Variants in SLC7A10 observed in about 807,000 individuals in gnomAD.
SLC7A10 encodes solute carrier family 7 member 10.
Under a neutral mutation model 52.7 loss-of-function variants are expected in SLC7A10, and 30 were observed. The ratio of observed to expected loss-of-function variants is 0.57; its 90% CI spans 0.43 to 0.77. The LOEUF (loss-of-function observed/expected upper bound fraction) is 0.77, where lower values mean the gene tolerates loss of function less well. Ranked by LOEUF, SLC7A10 falls within the 30% of genes least tolerant of loss-of-function variation. The probability of loss-of-function intolerance (pLI) is 0.00; values close to 1 mark genes in which losing one functional copy is unlikely to be tolerated. For missense variants in SLC7A10, 581 were observed against 698.5 expected (o/e 0.83, Z 1.90); for synonymous variants, 318 against 314.9 (o/e 1.01, Z -0.10).
At chr19:33,225,409 C>T (rs2145498909) in intron 1 of SLC7A10, 144 bp downstream of exon 1, 2 of 1,022,034 alleles carry the variant, frequency 2.0e-6, no homozygotes, top group Non-Finnish European at 2.9e-6. Flanking sequence ...GACCTCCCCG[C>T]GGTCATAGCG....
At chr19:33,218,559 G>A (rs936421702) in intron 1 of SLC7A10, among the ~76,000 whole-genome samples, 8 of 151,664 alleles carry the variant, frequency 5.3e-5, no homozygotes, top group African/African-American at 9.7e-5. Flanking sequence ...TGGAGCAGCC[G>A]GGGCTGCGGG....
intron 2 of SLC7A10, among the ~76,000 whole-genome samples, 189 bp downstream of exon 2, chr19:33,215,580 A>AT (rs1420589686): frequency 1.5e-4 from 17 of 113,556 alleles, no homozygotes; most frequent in African/African-American, 4.6e-4. Context: ...AAGGCTGTCC[A>AT]GCACCCCCAC....
rs1177836973 is a variant in SLC7A10, at chr19:33,208,947, C to A, written c.1516G>T (p.Gly506Cys). The A allele has an allele frequency of 1.2e-6, 2 of 1,613,636 alleles. No homozygotes were observed. Among genetic ancestry groups the A allele is most frequent in the African/African-American group, 2.7e-5 (2 of 74,934 alleles). Residue 506 changes from glycine to cysteine, a missense_variant, in exon 11 of 11, where the codon GGC (glycine) becomes TGC (cysteine). Physicochemically the swap from Gly to Cys is radical, Grantham distance 159. Coordinates refer to ENST00000253188, the MANE Select transcript of SLC7A10 (RefSeq NM_019849.3). This position sits in a 1 kb window ranked among gnomAD's most constrained non-coding sequence, Gnocchi z 4.7. ...GGCAGCAGGGAGGGTGGGCAGGGGC[C>A]ATTCTCCTCCTCTTCGGGGGCGTCC... ...PQDAPEEEEN[G>C]PCPPSLLPAT...
intron 1 of SLC7A10, among the ~76,000 whole-genome samples, chr19:33,221,922 G>C (rs1250150772): frequency 6.6e-6 from 1 of 152,180 alleles, no homozygotes; most frequent in Non-Finnish European, 1.5e-5. Context: ...GTCAGTATGA[G>C]AGGCCCTGTG....
At position 33,225,625 on chromosome 19, in the gene SLC7A10, C is replaced by G; in HGVS notation, c.79G>C (p.Val27Leu). ...APSPSPVPGT[V>L]PGASERVALK... ...GCCACCCGCTCCGAGGCGCCGGGGA[C>G]GGTCCCTGGGACTGGGGAGGGCGAG... is the stretch of plus-strand genomic sequence containing the variant. The change falls in exon 1 of 11, where the codon GTC becomes CTC. Residue 27 changes from valine to leucine, a missense_variant. Physicochemically the swap from Val to Leu is conservative, Grantham distance 32. Transcript: ENST00000253188. 1.3e-6 allele frequency: 2 copies of G among 1,591,500 alleles called. No individual in the cohort carries two copies. The highest frequency in any genetic ancestry group is 2.2e-5 in the East Asian group (1 of 44,588).
Position 33,225,561 on chromosome 19 carries a change from A to C in SLC7A10, c.143T>G (p.Ile48Ser). 1.3e-6 allele frequency: 2 copies of C among 1,596,466 alleles called. No homozygotes were observed. Among genetic ancestry groups the C allele is most frequent in the Non-Finnish European group, 1.7e-6 (2 of 1,179,234 alleles). ...GCCTGGGTCCCGCTCACCGATGATG[A>C]TGGTGCAGGCGCTCAGCAGCCCGAT... ...KEIGLLSACTIIIGNIIGSGI... is the reference protein window; with the variant it reads ...KEIGLLSACTSIIGNIIGSGI... Residue 48 changes from isoleucine to serine, a missense_variant, in exon 1 of 11, where the codon ATC (isoleucine) becomes AGC (serine). Transcript: ENST00000253188.
At chr19:33,222,958 G>A (rs745859555) in intron 1 of SLC7A10, among the ~76,000 whole-genome samples, 5 of 152,218 alleles carry the variant, frequency 3.3e-5, no homozygotes, top group African/African-American at 4.8e-5. Context: ...GAGGGTCGCT[G>A]TGGAAGTTTT....
intron 2 of SLC7A10, 132 bp downstream of exon 2, chr19:33,215,637 A>ACACCTTCTCTCCATCCAGCCCCCC: frequency 3.0e-6 from 1 of 335,718 alleles, no homozygotes. Flanking sequence ...TCCACCCCCC[A>ACACCTTCTCTCCATCCAGCCCCCC]CACCTTCTCT....
Position 33,210,786 on chromosome 19 carries a change from A to C in SLC7A10, c.1113+16T>G. The C allele has an allele frequency of 6.2e-7, 1 of 1,612,576 alleles. No individual in the cohort carries two copies. The highest frequency in any genetic ancestry group is 8.5e-7 in the Non-Finnish European group (1 of 1,179,526). On this transcript the variant is annotated intron_variant, in intron 8 of 10. Coordinates refer to ENST00000253188, the MANE Select transcript of SLC7A10 (RefSeq NM_019849.3). This position sits in a 1 kb window ranked among gnomAD's most constrained non-coding sequence, Gnocchi z 5.6. ...CCTGCCTCCACGCCCTGCCTGGCCC[A>C]GGTCCCCCAACTTACACAGACGAGG...
chr19:33,212,120 C>A, intron 5 of SLC7A10, 172 bp downstream of exon 5: 1 of 902,680 alleles, frequency 1.1e-6, no homozygotes, highest in Non-Finnish European at 1.7e-6. Context: ...CAGGGCCAGG[C>A]TAGAATGCAA....
At position 33,225,613 on chromosome 19, in the gene SLC7A10, A is replaced by C; in HGVS notation, c.91T>G (p.Ser31Ala). 1 of 1,593,952 alleles carries C rather than the reference A, an allele frequency of 6.3e-7. No individual in the cohort carries two copies. The highest frequency in any genetic ancestry group is 8.5e-7 in the Non-Finnish European group (1 of 1,178,472). ...TCCTTCTTGAGCGCCACCCGCTCCG[A>C]GGCGCCGGGGACGGTCCCTGGGACT... ...SPVPGTVPGA[S>A]ERVALKKEIG... The change falls in exon 1 of 11, where the codon TCG becomes GCG. Residue 31 changes from serine to alanine, a missense_variant. By Grantham distance (99) the Ser-to-Ala change is moderately conservative (BLOSUM62 1). Transcript: ENST00000253188.
intron 1 of SLC7A10, among the ~76,000 whole-genome samples, chr19:33,217,350 C>G (rs1210071125): frequency 6.6e-6 from 1 of 152,152 alleles, no homozygotes; most frequent in Non-Finnish European, 1.5e-5. Flanking sequence ...TTCAGGGGGG[C>G]CAACTATGGT....
At chr19:33,218,697 T>C (rs1455362584) in intron 1 of SLC7A10, among the ~76,000 whole-genome samples, 4 of 28,024 alleles carry the variant, frequency 1.4e-4, no homozygotes, top group African/African-American at 2.9e-4. Context: ...TTTTTTTTTT[T>C]AGTAGAGATG....
rs576156061 is a variant in SLC7A10, at chr19:33,208,830, A to G, written c.*61T>C. 5 of 1,609,108 alleles carry G rather than the reference A, an allele frequency of 3.1e-6. No individual in the cohort carries two copies. The highest frequency in any genetic ancestry group is 1.7e-4 in the Middle Eastern group (1 of 6,046). ...AAAACAAAACAAAACTTTTTTGCCA[A>G]AACACCTCCTCAATAAACAACATGT... On this transcript the variant is annotated 3_prime_UTR_variant, in exon 11 of 11. Coordinates refer to ENST00000253188, the MANE Select transcript of SLC7A10 (RefSeq NM_019849.3). This position sits in a 1 kb window ranked among gnomAD's most constrained non-coding sequence, Gnocchi z 4.7.
chr19:33,209,943 A>T lies in SLC7A10; in HGVS notation c.1264-458T>A, dbSNP rs955757396. 6.3e-5 allele frequency among the ~76,000 whole-genome samples: 9 copies of T among 141,978 alleles called. No homozygotes were observed. The East Asian group carries it at 8.2e-4, about 13-fold the overall frequency. 93.1% of individuals were successfully genotyped at this position (141,978 alleles called of 152,430 possible). A position where few individuals can be genotyped will look rare whatever the true frequency, so the allele number is the denominator to read the frequency against. On this transcript the variant is annotated intron_variant, in intron 9 of 10. Transcript: ENST00000253188. ...CAGTTCCTGAGTCTCATTTTCTTTAATTTTTTTTTTTTTTTGAGACAGGGT... is the reference window on the plus strand; with the variant it reads ...CAGTTCCTGAGTCTCATTTTCTTTATTTTTTTTTTTTTTTTGAGACAGGGT...
At position 33,209,007 on chromosome 19, in the gene SLC7A10, A is replaced by G. The variant is rs917062134; in HGVS notation, c.1456T>C (p.Trp486Arg). 21 of 1,613,722 alleles carry G rather than the reference A, an allele frequency of 1.3e-5. No homozygotes were observed. The highest frequency in any genetic ancestry group is 1.8e-5 in the Non-Finnish European group (21 of 1,180,004). The change falls in exon 11 of 11, where the codon TGG (tryptophan) becomes CGG (arginine). Residue 486 changes from tryptophan (W) to arginine (R), a missense_variant. Coordinates refer to ENST00000253188, the MANE Select transcript of SLC7A10 (RefSeq NM_019849.3). ...ACCACGAAACACAGCTCCTGGCCCC[A>G]GTGTGTCATGGACTCTGAGGACAGA... ...VHRLTESMTH[W>R]GQELCFVVYP... is the part of the protein sequence containing the mutation.
At position 33,210,822 on chromosome 19, in the gene SLC7A10, T is replaced by C. The variant is rs2145469413; in HGVS notation, c.1093A>G (p.Ile365Val). 6.2e-7 allele frequency: 1 copy of C among 1,613,500 alleles called. No individual in the cohort carries two copies. Among genetic ancestry groups the C allele is most frequent in the East Asian group, 2.2e-5 (1 of 44,862 alleles). The part of the protein sequence containing the change: ...AMIHVRHCTP[I>V]PALLVCCGAT... ...CTTACACAGACGAGGAGGGCGGGGA[T>C]GGGGGTGCAGTGTCTGACGTGGATC... is the stretch of plus-strand genomic sequence containing the variant. The change falls in exon 8 of 11, where the codon ATC (isoleucine) becomes GTC (valine). Residue 365 changes from isoleucine to valine, a missense_variant. Ile to Val is a conservative substitution (Grantham distance 29, BLOSUM62 3). Transcript: ENST00000253188. This position sits in a 1 kb window ranked among gnomAD's most constrained non-coding sequence, Gnocchi z 5.6.
At chr19:33,216,831 C>T (rs773062271) in intron 1 of SLC7A10, among the ~76,000 whole-genome samples, 18 of 152,190 alleles carry the variant, frequency 1.2e-4, no homozygotes, top group Middle Eastern at 3.4e-3. Flanking sequence ...CCACCCGCCT[C>T]GGCCTCCCAA....
intron 1 of SLC7A10, among the ~76,000 whole-genome samples, chr19:33,216,705 G>C (rs941296504): frequency 2.0e-5 from 3 of 151,618 alleles, no homozygotes; most frequent in Non-Finnish European, 4.4e-5. Flanking sequence ...CTTCCAAGTA[G>C]TTAGAATTAC....
Sources: allele counts gnomAD v4.1 joint callset (sites outside exome capture counted in the v4.1 genomes callset), GRCh38; gene constraint gnomAD v4.1.1; non-coding constraint Gnocchi (gnomAD v3.1); transcripts MANE v1.5; gene names NCBI Gene and HGNC (gene_info 2026-07-23, HGNC 2026-07-21).